Variants in INTS9 observed in about 807,000 individuals in gnomAD.
The protein encoded by INTS9 is protein related to CPSF subunits of 74 kDa.
INTS9 carries 55 observed loss-of-function variants against 79.7 expected under a neutral mutation model. The ratio of observed to expected loss-of-function variants is 0.69; its 90% CI spans 0.56 to 0.86. The LOEUF (loss-of-function observed/expected upper bound fraction) is 0.86. INTS9 is among the 40% of genes least tolerant of loss of function. INTS9 has a pLI of 0.00. For synonymous variants in INTS9, 319 were observed against 325.2 expected, an observed-to-expected ratio of 0.98 and a Z score of 0.20; for missense variants, 721 against 831.5, an observed-to-expected ratio of 0.87 and a Z score of 1.64.
intron 6 of INTS9, among the ~76,000 whole-genome samples, chr8:28,818,334 C>T (rs2131083574): frequency 6.6e-6 from 1 of 151,236 alleles, no homozygotes; most frequent in South Asian, 2.1e-4. Flanking sequence ...CCATCAATGC[C>T]TAATTTATTG....
intron 1 of INTS9, among the ~76,000 whole-genome samples, chr8:28,860,211 A>G (rs111277776): frequency 0.013 from 2,003 of 152,336 alleles, 14 homozygotes; most frequent in Non-Finnish European, 0.018. Flanking sequence ...ACAAGCCACA[A>G]TGGTGTCTTC....
At chr8:28,803,713 C>A (rs1162020073) in intron 8 of INTS9, among the ~76,000 whole-genome samples, 1 of 152,048 alleles carries the variant, frequency 6.6e-6, no homozygotes, top group Non-Finnish European at 1.5e-5. Context: ...AAGCAGGCTG[C>A]AAATAGCTCT....
intron 2 of INTS9, among the ~76,000 whole-genome samples, chr8:28,852,941 A>G (rs1336785846): frequency 6.6e-6 from 1 of 152,254 alleles, no homozygotes; most frequent in African/African-American, 2.4e-5. Flanking sequence ...CATGGCAAAG[A>G]CATGCTGACT....
intron 1 of INTS9, among the ~76,000 whole-genome samples, chr8:28,865,472 TA>T (rs78350760): frequency 4.5e-3 from 520 of 116,440 alleles, no homozygotes; most frequent in Admixed American, 8.9e-3. Context: ...ACCCCATCTC[TA>T]AAAAAAAAAA....
intron 1 of INTS9, among the ~76,000 whole-genome samples, chr8:28,864,107 T>C (rs1299982392): frequency 6.6e-6 from 1 of 151,572 alleles, no homozygotes; most frequent in African/African-American, 2.4e-5. Context: ...CACTGGGAGG[T>C]CAAGGCAGGA....
intron 13 of INTS9, among the ~76,000 whole-genome samples, chr8:28,776,979 A>G (rs1049783649): frequency 2.0e-5 from 3 of 152,196 alleles, no homozygotes; most frequent in Non-Finnish European, 4.4e-5. Context: ...GTCTGCTCTC[A>G]TCATACCTAG....
chr8:28,877,097 C>A lies in INTS9; in HGVS notation c.9+12777G>T, dbSNP rs1373910599. On this transcript the variant is annotated intron_variant, in intron 1 of 16. Transcript: ENST00000521022. Reference sequence around the variant, plus strand: ...GTGAACTAATAATTCTAAATTTATACAAAATGTAAAAATCTAAGTTTTATA... The same window carrying A: ...GTGAACTAATAATTCTAAATTTATAAAAAATGTAAAAATCTAAGTTTTATA... 2.0e-5 allele frequency among the ~76,000 whole-genome samples: 3 copies of A among 152,054 alleles called. No individual in the cohort carries two copies. The East Asian group carries it at 5.8e-4, about 29-fold the overall frequency.
chr8:28,815,058 A>G (rs1805388228), intron 6 of INTS9, among the ~76,000 whole-genome samples: 1 of 152,218 alleles, frequency 6.6e-6, no homozygotes, highest in Non-Finnish European at 1.5e-5. Flanking sequence ...TAAAGGCCTC[A>G]AGTGGGGGCA....
At chr8:28,852,514 AATGAC>A (rs1293517811) in intron 2 of INTS9, among the ~76,000 whole-genome samples, 3 of 152,202 alleles carry the variant, frequency 2.0e-5, no homozygotes, top group Non-Finnish European at 4.4e-5. Context: ...ATAAAAGTGT[AATGAC>A]AAGACAATGT....
At chr8:28,889,701 G>T in intron 1 of INTS9, 173 bp downstream of exon 1, 1 of 636,872 alleles carries the variant, frequency 1.6e-6, no homozygotes, top group Non-Finnish European at 2.7e-6. Context: ...GTGGGGGAGA[G>T]GGAATTCAAA....
chr8:28,874,157 A>G (rs1344749486), intron 1 of INTS9, among the ~76,000 whole-genome samples: 1 of 152,220 alleles, frequency 6.6e-6, no homozygotes, highest in Non-Finnish European at 1.5e-5. Context: ...ACTGCAATGA[A>G]GTCATACTTT....
intron 6 of INTS9, among the ~76,000 whole-genome samples, chr8:28,832,237 G>A (rs1051149744): frequency 1.3e-5 from 2 of 152,114 alleles, no homozygotes; most frequent in African/African-American, 4.8e-5. Flanking sequence ...AGAACCGAGG[G>A]CAAGAGAAAA....
At chr8:28,831,456 A>G (rs1563281778) in intron 6 of INTS9, among the ~76,000 whole-genome samples, 1 of 152,236 alleles carries the variant, frequency 6.6e-6, no homozygotes, top group Non-Finnish European at 1.5e-5. Context: ...CTATCCCAGA[A>G]CTTAAATTTT....
intron 2 of INTS9, among the ~76,000 whole-genome samples, chr8:28,855,049 G>A (rs765986959): frequency 2.0e-5 from 3 of 152,096 alleles, no homozygotes; most frequent in Non-Finnish European, 4.4e-5. Flanking sequence ...CATCTTCCAC[G>A]AGGGTTATTC....
chr8:28,787,278 T>C (rs1269660862), intron 11 of INTS9, among the ~76,000 whole-genome samples: 1 of 152,222 alleles, frequency 6.6e-6, no homozygotes, highest in Non-Finnish European at 1.5e-5. Flanking sequence ...AATGTTATTT[T>C]CGTCACTAAA....
intron 16 of INTS9, 145 bp from the exon 17 acceptor site, chr8:28,768,467 G>GTGAT (rs1418188015): frequency 2.7e-6 from 2 of 731,916 alleles, no homozygotes; most frequent in African/African-American, 3.5e-5. Flanking sequence ...GCCTATGATA[G>GTGAT]TGATAGTTTC....
At chr8:28,879,912 G>C (rs922259394) in intron 1 of INTS9, among the ~76,000 whole-genome samples, 1 of 152,046 alleles carries the variant, frequency 6.6e-6, no homozygotes, top group Non-Finnish European at 1.5e-5. Flanking sequence ...GGTAGTAACG[G>C]AGATCTTTTT....
At position 28,873,931 on chromosome 8, in the gene INTS9, A is replaced by G. The variant is rs76106896; in HGVS notation, c.10-14368T>C. Among the ~76,000 whole-genome samples the G allele has an allele frequency of 3.5e-3, 527 of 152,226 alleles. 2 individuals are homozygous for G. Among genetic ancestry groups the G allele is most frequent in the African/African-American group, 0.012 (502 of 41,542 alleles). ...CATATCTGGACATTCTTCTCATACT[A>G]TATCATCAACTGGTCCCACTGATTG... On this transcript the variant is annotated intron_variant, in intron 1 of 16. Coordinates refer to ENST00000521022, the MANE Select transcript of INTS9 (RefSeq NM_018250.4).
chr8:28,881,537 A>G (rs1354422103), intron 1 of INTS9, among the ~76,000 whole-genome samples: 1,038 of 56,534 alleles, frequency 0.018, no homozygotes, highest in Admixed American at 0.022. Flanking sequence ...GGGGGGGGTC[A>G]GCCCCCCGCC....
Sources: gnomAD v4.1 joint callset for allele counts (sites outside exome capture counted in the v4.1 genomes callset) on GRCh38, gnomAD v4.1.1 for gene constraint, MANE v1.5 for transcripts, NCBI Gene and HGNC (gene_info 2026-07-23, HGNC 2026-07-21) for gene names.